ASIC2: variants seen among roughly 807,000 people sequenced by gnomAD.
ASIC2 encodes acid-sensing ion channel 2.
ASIC2 carries 25 observed loss-of-function variants against 57.3 expected under a neutral mutation model. The ratio of observed to expected loss-of-function variants is 0.44; its 90% CI spans 0.32 to 0.61. ASIC2 has a LOEUF of 0.61. Ranked by LOEUF, ASIC2 falls within the 20% of genes least tolerant of loss-of-function variation. The pLI, the probability that ASIC2 is intolerant of heterozygous loss-of-function variation, is 0.06. For missense variants in ASIC2, 641 were observed against 738.1 expected, an observed-to-expected ratio of 0.87 and a Z score of 1.52; for synonymous variants, 319 against 307.5, an observed-to-expected ratio of 1.04 and a Z score of -0.39.
chr17:34,026,617 T>C (rs1597980471), intron 1 of ASIC2, among the ~76,000 whole-genome samples: 1 of 152,352 alleles, frequency 6.6e-6, no homozygotes, highest in South Asian at 2.1e-4. Context: ...TTGTGCTGTT[T>C]TTGAACTAAT....
intron 1 of ASIC2, among the ~76,000 whole-genome samples, chr17:33,349,769 A>G (rs1908085233): frequency 6.6e-6 from 1 of 152,260 alleles, no homozygotes; most frequent in Non-Finnish European, 1.5e-5. Flanking sequence ...CAACTCAAAA[A>G]GAAAATAATC....
intron 2 of ASIC2, among the ~76,000 whole-genome samples, chr17:33,090,153 C>T (rs1437553962): frequency 1.3e-5 from 2 of 152,234 alleles, no homozygotes; most frequent in Non-Finnish European, 2.9e-5. Context: ...TGCACAAATG[C>T]ATCTCCTTCT....
At chr17:33,647,197 A>G (rs1906767445) in intron 1 of ASIC2, among the ~76,000 whole-genome samples, 2 of 152,302 alleles carry the variant, frequency 1.3e-5, no homozygotes, top group African/African-American at 4.8e-5. Context: ...CTGTTTATCA[A>G]TCTGTCAAAT....
chr17:33,804,601 C>G (rs2142148571), intron 1 of ASIC2, among the ~76,000 whole-genome samples: 1 of 152,340 alleles, frequency 6.6e-6, no homozygotes, highest in Middle Eastern at 3.4e-3. Context: ...GCCCATCATT[C>G]TATGGCCACA....
intron 1 of ASIC2, among the ~76,000 whole-genome samples, chr17:34,109,723 C>A (rs755517144): frequency 6.6e-6 from 1 of 152,148 alleles, no homozygotes; most frequent in Non-Finnish European, 1.5e-5. Flanking sequence ...GGCCATTAAG[C>A]CTTCCTCATT....
chr17:33,507,480 C>T (rs1465021393), intron 1 of ASIC2, among the ~76,000 whole-genome samples: 1 of 152,182 alleles, frequency 6.6e-6, no homozygotes, highest in Non-Finnish European at 1.5e-5. Context: ...TCCTCTTATG[C>T]CAAGGATCAG....
chr17:33,829,033 T>C (rs916005353), intron 1 of ASIC2, among the ~76,000 whole-genome samples: 24 of 152,224 alleles, frequency 1.6e-4, no homozygotes, highest in African/African-American at 5.8e-4. Flanking sequence ...GAGATGTGTG[T>C]GGTTTACTTA....
intron 1 of ASIC2, among the ~76,000 whole-genome samples, chr17:33,908,954 T>C (rs117978863): frequency 2.6e-5 from 4 of 152,300 alleles, no homozygotes; most frequent in Non-Finnish European, 5.9e-5. Flanking sequence ...TTACCTGATG[T>C]CCCCTGACTG....
intron 1 of ASIC2, among the ~76,000 whole-genome samples, chr17:33,999,468 G>T (rs1349558767): frequency 6.6e-6 from 1 of 152,162 alleles, no homozygotes; most frequent in Non-Finnish European, 1.5e-5. Context: ...CGTCTTTCAT[G>T]ATTTGATAAT....
At chr17:33,758,740 C>A (rs1019887776) in intron 1 of ASIC2, among the ~76,000 whole-genome samples, 1 of 152,098 alleles carries the variant, frequency 6.6e-6, no homozygotes, top group Non-Finnish European at 1.5e-5. Context: ...CCATGTGATA[C>A]CCTGTGCCGC....
intron 1 of ASIC2, among the ~76,000 whole-genome samples, chr17:33,613,874 G>T (rs1384521506): frequency 6.6e-6 from 1 of 152,046 alleles, no homozygotes; most frequent in African/African-American, 2.4e-5. Flanking sequence ...CCTACTGAGG[G>T]ACTCTTTGCT....
upstream of ASIC2, among the ~76,000 whole-genome samples, chr17:33,295,766 C>T (rs561522386): frequency 3.0e-4 from 46 of 152,332 alleles, no homozygotes; most frequent in South Asian, 8.3e-4. Flanking sequence ...AACTACTATA[C>T]GCCAGGTACA....
At chr17:33,419,931 C>T (rs755212377) in intron 1 of ASIC2, among the ~76,000 whole-genome samples, 2 of 151,784 alleles carry the variant, frequency 1.3e-5, no homozygotes, top group Non-Finnish European at 2.9e-5. Flanking sequence ...CATTCACAGA[C>T]ACAAGTGTCT....
intron 1 of ASIC2, among the ~76,000 whole-genome samples, chr17:34,008,188 A>G (rs1325907822): frequency 1.3e-5 from 2 of 152,258 alleles, no homozygotes; most frequent in African/African-American, 4.8e-5. Flanking sequence ...TCACTATACT[A>G]TTCCAGACAC....
chr17:33,272,051 CA>C (rs71354623), intron 1 of ASIC2, among the ~76,000 whole-genome samples: 49,717 of 151,802 alleles, frequency 0.33, 8,329 homozygotes, highest in Admixed American at 0.41. Context: ...CTCTTCTGCC[CA>C]GAGCACCTTG....
intron 1 of ASIC2, among the ~76,000 whole-genome samples, chr17:33,172,224 A>T (rs2142049760): frequency 6.6e-6 from 1 of 152,290 alleles, no homozygotes; most frequent in Admixed American, 6.5e-5. Context: ...CCAAATGATC[A>T]TGTCCTAAAG....
intron 1 of ASIC2, among the ~76,000 whole-genome samples, chr17:33,594,461 T>C (rs1904919401): frequency 6.6e-6 from 1 of 152,246 alleles, no homozygotes; most frequent in Non-Finnish European, 1.5e-5. Flanking sequence ...CATTCAGTAC[T>C]TTGCAATTTA....
At chr17:33,316,116 C>T (rs1209827123) in intron 1 of ASIC2, among the ~76,000 whole-genome samples, 1 of 152,128 alleles carries the variant, frequency 6.6e-6, no homozygotes, top group African/African-American at 2.4e-5. Context: ...GAAATGTAAC[C>T]TCATGTGGTT....
At chr17:33,737,630 G>A (rs1322497951) in intron 1 of ASIC2, among the ~76,000 whole-genome samples, 6 of 152,204 alleles carry the variant, frequency 3.9e-5, no homozygotes. Context: ...GGGTTGTGAG[G>A]ATTAAGAGAG....
Sources: allele counts gnomAD v4.1 joint callset (sites outside exome capture counted in the v4.1 genomes callset), GRCh38; gene constraint gnomAD v4.1.1; transcripts MANE v1.5; gene names NCBI Gene and HGNC (gene_info 2026-07-23, HGNC 2026-07-21).